AGAP1: variants seen among roughly 807,000 people sequenced by gnomAD.
AGAP1 encodes the protein arf-GAP with GTPase, ANK repeat and PH domain-containing protein 1.
In AGAP1, 29 loss-of-function variants were observed where a neutral mutation model predicts 105.3. The observed-to-expected ratio is 0.28, with a 90% CI of 0.21 to 0.38. AGAP1 has a LOEUF of 0.38. Ranked by LOEUF, AGAP1 falls within the 10% of genes least tolerant of loss-of-function variation. The probability of loss-of-function intolerance (pLI) is 1.00; values close to 1 mark genes in which losing one functional copy is unlikely to be tolerated. For synonymous variants in AGAP1, 509 were observed against 485.9 expected (o/e 1.05, Z -0.63); for missense variants, 998 against 1,165.1 (o/e 0.86, Z 2.09).
In AGAP1 at chr2:235,577,061, CTGA is replaced by C. The variant is rs1559262017; in HGVS notation, c.163+82213_163+82215del. ...CACCAAGAAAAGCATTTCTGTTGTC[CTGA>C]AATATCAGGCCTTCCTGAACCCCCT... On this transcript the variant is annotated intron_variant, in intron 1 of 17. Transcript: ENST00000304032. This position sits in a 1 kb window ranked among gnomAD's most constrained non-coding sequence, Gnocchi z 4.5. 1.3e-5 allele frequency among the ~76,000 whole-genome samples: 2 copies of C among 152,184 alleles called. No individual in the cohort carries two copies. Among genetic ancestry groups the C allele is most frequent in the African/African-American group, 4.8e-5 (2 of 41,442 alleles).
At chr2:235,565,294 G>A (rs967866920) in intron 1 of AGAP1, among the ~76,000 whole-genome samples, 4 of 151,978 alleles carry the variant, frequency 2.6e-5, no homozygotes, top group Non-Finnish European at 5.9e-5. Flanking sequence ...GGAGCAGCCT[G>A]GCATTGGCCC....
At chr2:235,890,617 G>T (rs562852133) in intron 10 of AGAP1, among the ~76,000 whole-genome samples, 1 of 152,198 alleles carries the variant, frequency 6.6e-6, no homozygotes, top group Non-Finnish European at 1.5e-5. Context: ...AGGAGCTGGA[G>T]CACACCTGCA....
chr2:236,042,090 A>C lies in AGAP1; in HGVS notation c.1891+1249A>C, dbSNP rs2057565914. Among the ~76,000 whole-genome samples, 1 of 152,206 alleles carries C rather than the reference A, an allele frequency of 6.6e-6. No homozygotes were observed. Among genetic ancestry groups the C allele is most frequent in the Non-Finnish European group, 1.5e-5 (1 of 68,014 alleles). On this transcript the variant is annotated intron_variant, in intron 15 of 17. Coordinates refer to ENST00000304032, the MANE Select transcript of AGAP1 (RefSeq NM_001037131.3). This position sits in a 1 kb window ranked among gnomAD's most constrained non-coding sequence, Gnocchi z 5.6. ...CTTCATTTGTAAGCAGAGAGACATC[A>C]TTGGAGTTTTAGAGCAGGAAGGAGA...
intron 9 of AGAP1, among the ~76,000 whole-genome samples, chr2:235,817,680 C>T (rs1201182728): frequency 1.3e-5 from 2 of 152,134 alleles, no homozygotes; most frequent in Non-Finnish European, 2.9e-5. Flanking sequence ...CAGTTGTGGC[C>T]AGGAGTTCAA....
At position 235,801,131 on chromosome 2, in the gene AGAP1, C is replaced by A. The variant is rs1191149035; in HGVS notation, c.957+1609C>A. Among the ~76,000 whole-genome samples the A allele has an allele frequency of 6.6e-6, 1 of 152,210 alleles. No homozygotes were observed. Among genetic ancestry groups the A allele is most frequent in the African/African-American group, 2.4e-5 (1 of 41,454 alleles). On this transcript the variant is annotated intron_variant, in intron 8 of 17. Transcript: ENST00000304032. The surrounding 1 kb of genome is among the most constrained non-coding windows in gnomAD (Gnocchi z 6.0). ...GCCTCCCCTTGCTTTTGCTAGTTGCCTTGCGCCACATCAGCTCCCACAGAG... is the reference window on the plus strand; with the variant it reads ...GCCTCCCCTTGCTTTTGCTAGTTGCATTGCGCCACATCAGCTCCCACAGAG...
rs1559438065 is a variant in AGAP1 at position 235,753,148 on chromosome 2, C to G, written c.673+2660C>G. ...ATTTGGGTTGAGTTCCATACCACAC[C>G]CAGCACGTTCAAGGCAGAGGACAGG... On this transcript the variant is annotated intron_variant, in intron 6 of 17. Coordinates refer to ENST00000304032, the MANE Select transcript of AGAP1 (RefSeq NM_001037131.3). The surrounding 1 kb of genome is among the most constrained non-coding windows in gnomAD (Gnocchi z 4.5). Among the ~76,000 whole-genome samples, 1 of 152,124 alleles carries G rather than the reference C, an allele frequency of 6.6e-6. No homozygotes were observed. Among genetic ancestry groups the G allele is most frequent in the Non-Finnish European group, 1.5e-5 (1 of 68,028 alleles).
chr2:235,831,106 C>T (rs1559538780), intron 9 of AGAP1, among the ~76,000 whole-genome samples: 1 of 151,320 alleles, frequency 6.6e-6, no homozygotes, highest in South Asian at 2.1e-4. Context: ...TGGCTGCTCT[C>T]TGCACTGATG....
At chr2:235,839,359 G>A (rs1960536555) in intron 9 of AGAP1, among the ~76,000 whole-genome samples, 1 of 152,222 alleles carries the variant, frequency 6.6e-6, no homozygotes, top group Admixed American at 6.5e-5. Context: ...GAGGGTCAGA[G>A]TCACACTCAT....
At chr2:236,075,508 G>A (rs941080828) in intron 16 of AGAP1, among the ~76,000 whole-genome samples, 1 of 152,118 alleles carries the variant, frequency 6.6e-6, no homozygotes, top group Non-Finnish European at 1.5e-5. Context: ...CTTGGGTGAG[G>A]ATCAAGGAAG....
rs2149251947 is a variant in AGAP1, at chr2:235,609,877, A to G, written c.164-99302A>G. Among the ~76,000 whole-genome samples the G allele has an allele frequency of 1.3e-5, 2 of 152,068 alleles. No individual in the cohort carries two copies. The highest frequency in any genetic ancestry group is 1.3e-4 in the Admixed American group (2 of 15,276). Reference sequence around the variant, plus strand: ...TCGTGTTTCAGAGGTTGGTAAATGGAGTCTTGCTCGCCAGGTGCATGAGGT... The same window carrying G: ...TCGTGTTTCAGAGGTTGGTAAATGGGGTCTTGCTCGCCAGGTGCATGAGGT... On this transcript the variant is annotated intron_variant, in intron 1 of 17. Transcript: ENST00000304032. This position sits in a 1 kb window ranked among gnomAD's most constrained non-coding sequence, Gnocchi z 5.1.
chr2:235,504,143 C>T (rs537608830), intron 1 of AGAP1, among the ~76,000 whole-genome samples: 2 of 151,772 alleles, frequency 1.3e-5, no homozygotes, highest in African/African-American at 2.4e-5. Flanking sequence ...CGCCCAGCCT[C>T]GAACTCTCTT....
At chr2:235,521,682 A>C (rs1942618579) in intron 1 of AGAP1, among the ~76,000 whole-genome samples, 1 of 151,332 alleles carries the variant, frequency 6.6e-6, no homozygotes, top group Non-Finnish European at 1.5e-5. Context: ...ATTTATTAAC[A>C]GGTCTCTTAT....
intron 6 of AGAP1, among the ~76,000 whole-genome samples, chr2:235,763,894 TG>T (rs1954675608): frequency 6.6e-6 from 1 of 152,218 alleles, no homozygotes. Context: ...CTCTTACAGA[TG>T]CGCGCTTTTG....
chr2:236,064,074 ATTAGGAGATAACTGT>A (rs1285721498), intron 16 of AGAP1, among the ~76,000 whole-genome samples: 1 of 152,198 alleles, frequency 6.6e-6, no homozygotes, highest in Non-Finnish European at 1.5e-5. Context: ...TCTTAATGAA[ATTAGGAGATAACTGT>A]TTAAAATCAG....
intron 7 of AGAP1, among the ~76,000 whole-genome samples, chr2:235,798,906 C>T (rs1353161471): frequency 1.3e-5 from 2 of 149,334 alleles, no homozygotes; most frequent in African/African-American, 4.9e-5. Flanking sequence ...AATGTCTTCA[C>T]TTGCTGTGTT....
chr2:236,109,777 G>A lies in AGAP1; in HGVS notation c.2115-10415G>A, dbSNP rs1243202070. ...CACTGGAAATGTGTCTAAAGGAACT[G>A]TGTTTTTAATGTTATTTTGTTTCAA... On this transcript the variant is annotated intron_variant, in intron 16 of 17. Coordinates refer to ENST00000304032, the MANE Select transcript of AGAP1 (RefSeq NM_001037131.3). This position sits in a 1 kb window ranked among gnomAD's most constrained non-coding sequence, Gnocchi z 5.4. 2.0e-5 allele frequency among the ~76,000 whole-genome samples: 3 copies of A among 152,266 alleles called. No individual in the cohort carries two copies. The highest frequency in any genetic ancestry group is 7.2e-5 in the African/African-American group (3 of 41,484).
chr2:235,607,774 C>T (rs1194808040), intron 1 of AGAP1, among the ~76,000 whole-genome samples: 1 of 152,200 alleles, frequency 6.6e-6, no homozygotes, highest in African/African-American at 2.4e-5. Context: ...GGCAGCGGGG[C>T]GCGAGACTGC....
rs1956706919 is a variant in AGAP1 at position 235,787,329 on chromosome 2, T to C, written c.674-10430T>C. ...ATGTTTCATTCATCTATCTGAGTTT[T>C]TCCTGCTTTAAGTGCCTCTTCTATG... On this transcript the variant is annotated intron_variant, in intron 6 of 17. Coordinates refer to ENST00000304032, the MANE Select transcript of AGAP1 (RefSeq NM_001037131.3). This position sits in a 1 kb window ranked among gnomAD's most constrained non-coding sequence, Gnocchi z 4.4. Among the ~76,000 whole-genome samples, 1 of 152,264 alleles carries C rather than the reference T, an allele frequency of 6.6e-6. No homozygotes were observed.
chr2:235,606,256 T>C (rs1945933989), intron 1 of AGAP1, among the ~76,000 whole-genome samples: 1 of 152,188 alleles, frequency 6.6e-6, no homozygotes, highest in Non-Finnish European at 1.5e-5. Context: ...GTGAATGTGA[T>C]GTAGGAGGCA....
Sources: allele counts gnomAD v4.1 joint callset (sites outside exome capture counted in the v4.1 genomes callset), GRCh38; gene constraint gnomAD v4.1.1; non-coding constraint Gnocchi (gnomAD v3.1); transcripts MANE v1.5; gene names NCBI Gene and HGNC (gene_info 2026-07-23, HGNC 2026-07-21).